Variants in GALNT13 observed in about 807,000 individuals in gnomAD.
GALNT13 encodes UDP-GalNAc:polypeptide N-acetylgalactosaminyltransferase 13.
Under a neutral mutation model 64.2 loss-of-function variants are expected in GALNT13, and 28 were observed. The ratio of observed to expected loss-of-function variants is 0.44; its 90% CI spans 0.32 to 0.60. The LOEUF is 0.60. Among genes scored for constraint, GALNT13 ranks in the 20% least tolerant of loss-of-function variants. The pLI, the probability that GALNT13 is intolerant of heterozygous loss-of-function variation, is 0.05. For synonymous variants in GALNT13, 214 were observed against 224.6 expected (o/e 0.95, Z 0.42); for missense variants, 577 against 669.8 (o/e 0.86, Z 1.53).
chr2:153,252,568 T>A, the GALNT13 span, among the ~76,000 whole-genome samples: 69,234 of 151,026 alleles, frequency 0.46, 16,315 homozygotes, highest in Non-Finnish European at 0.5. Context: ...CTGAATGGTA[T>A]TGCCTAGGTT....
At chr2:153,534,932 G>T in the GALNT13 span, among the ~76,000 whole-genome samples, 1 of 151,986 alleles carries the variant, frequency 6.6e-6, no homozygotes, top group East Asian at 1.9e-4. Context: ...GGCTTGGCTT[G>T]GGCTCAGAGG....
chr2:153,432,938 G>T, the GALNT13 span, among the ~76,000 whole-genome samples: 1 of 151,954 alleles, frequency 6.6e-6, no homozygotes, highest in African/African-American at 2.4e-5. Flanking sequence ...AATTTTTGCA[G>T]TGTCTTTTAT....
chr2:153,613,625 A>C, the GALNT13 span, among the ~76,000 whole-genome samples: 1 of 152,182 alleles, frequency 6.6e-6, no homozygotes, highest in African/African-American at 2.4e-5. Flanking sequence ...TTTAGAAAAT[A>C]AAATGAAGAA....
intron 3 of GALNT13, among the ~76,000 whole-genome samples, chr2:153,981,806 T>C (rs17585812): frequency 0.063 from 9,649 of 152,194 alleles, 408 homozygotes; most frequent in Middle Eastern, 0.13. Flanking sequence ...TTCTAGCTCA[T>C]GGTATACAGA....
rs1693167016 is a variant in GALNT13 at position 154,298,643 on chromosome 2, A to ATACATTGTATATAATTTATATG, written c.976-2753_976-2752insATTTATATGTACATTGTATATA. Among the ~76,000 whole-genome samples, 2 of 99,548 alleles carry ATACATTGTATATAATTTATATG rather than the reference A, an allele frequency of 2.0e-5. 1 individual carries two copies. Among genetic ancestry groups the ATACATTGTATATAATTTATATG allele is most frequent in the African/African-American group, 8.0e-5 (2 of 25,024 alleles). 65.3% of individuals were successfully genotyped at this position (99,548 alleles called of 152,430 possible). Reference sequence around the variant, plus strand: ...TATACATTGTATATATAATTTATATATACATTGTATATACAATTTATATAT... The same window carrying ATACATTGTATATAATTTATATG: ...TATACATTGTATATATAATTTATATATACATTGTATATAATTTATATGTACATTGTATATACAATTTATATAT... On this transcript the variant is annotated intron_variant, in intron 8 of 12. Coordinates refer to ENST00000392825, the MANE Select transcript of GALNT13 (RefSeq NM_052917.4).
the GALNT13 span, among the ~76,000 whole-genome samples, chr2:153,654,252 A>G: frequency 6.6e-6 from 1 of 152,166 alleles, no homozygotes; most frequent in Non-Finnish European, 1.5e-5. Flanking sequence ...ATGAAGAATT[A>G]TTTTAAATTT....
At chr2:153,863,779 T>C in the GALNT13 span, among the ~76,000 whole-genome samples, 3 of 152,204 alleles carry the variant, frequency 2.0e-5, no homozygotes, top group Admixed American at 6.6e-5. Context: ...GTGCCAGATA[T>C]TGTACTCAGT....
intron 3 of GALNT13, among the ~76,000 whole-genome samples, chr2:154,067,961 A>C (rs13407881): frequency 6.6e-6 from 1 of 151,774 alleles, no homozygotes; most frequent in African/African-American, 2.4e-5. Flanking sequence ...CAAACTGTTC[A>C]TCTGACAAGG....
chr2:153,339,310 C>T, the GALNT13 span, among the ~76,000 whole-genome samples: 15 of 152,286 alleles, frequency 9.8e-5, no homozygotes, highest in Admixed American at 2.6e-4. Context: ...AATAGCCGTT[C>T]TAACAAAATG....
chr2:153,621,043 C>A, the GALNT13 span, among the ~76,000 whole-genome samples: 2 of 152,060 alleles, frequency 1.3e-5, no homozygotes, highest in Non-Finnish European at 1.5e-5. Flanking sequence ...TAGACAAGAT[C>A]CGAGAGAATT....
the GALNT13 span, among the ~76,000 whole-genome samples, chr2:153,835,368 T>C: frequency 6.6e-6 from 1 of 152,078 alleles, no homozygotes; most frequent in Non-Finnish European, 1.5e-5. Flanking sequence ...ATGTACTTTC[T>C]TATTAATTCA....
the GALNT13 span, among the ~76,000 whole-genome samples, chr2:153,720,250 C>G: frequency 6.9e-5 from 10 of 145,542 alleles, no homozygotes; most frequent in East Asian, 2.0e-4. Context: ...AGCTGAGGGT[C>G]CTGTCTGTTA....
chr2:153,212,412 G>A, the GALNT13 span, among the ~76,000 whole-genome samples: 1 of 151,998 alleles, frequency 6.6e-6, no homozygotes, highest in African/African-American at 2.4e-5. Context: ...TTCCTATTGT[G>A]CACATTGCAT....
the GALNT13 span, among the ~76,000 whole-genome samples, chr2:153,594,422 T>G: frequency 1.3e-5 from 2 of 152,162 alleles, no homozygotes; most frequent in African/African-American, 4.8e-5. Flanking sequence ...TCCACGATAC[T>G]ATCTTCTGAG....
intron 3 of GALNT13, among the ~76,000 whole-genome samples, chr2:154,024,511 C>T (rs1286823139): frequency 1.3e-5 from 2 of 152,296 alleles, no homozygotes; most frequent in African/African-American, 2.4e-5. Flanking sequence ...GCATTCGTCA[C>T]GTAGCTCTCG....
chr2:153,325,532 C>T, the GALNT13 span, among the ~76,000 whole-genome samples: 1 of 152,120 alleles, frequency 6.6e-6, no homozygotes, highest in Non-Finnish European at 1.5e-5. Context: ...TTCTTGATTT[C>T]TGCTAGCTTT....
At chr2:153,684,762 C>CTAGT in the GALNT13 span, among the ~76,000 whole-genome samples, 2 of 151,576 alleles carry the variant, frequency 1.3e-5, no homozygotes, top group Non-Finnish European at 3.0e-5. Flanking sequence ...GGTATTAAGC[C>CTAGT]TAGTATCCAT....
intron 11 of GALNT13, among the ~76,000 whole-genome samples, chr2:154,417,945 CTT>C (rs774352869): frequency 6.6e-6 from 1 of 151,960 alleles, no homozygotes; most frequent in African/African-American, 2.4e-5. Context: ...AATTTTTTCT[CTT>C]GTTTTTAACT....
At chr2:154,048,634 T>C (rs2105341564) in intron 3 of GALNT13, among the ~76,000 whole-genome samples, 1 of 152,250 alleles carries the variant, frequency 6.6e-6, no homozygotes, top group South Asian at 2.1e-4. Context: ...TTAGAATGTA[T>C]AGCCATGAAA....
Sources: gnomAD v4.1 joint callset for allele counts (sites outside exome capture counted in the v4.1 genomes callset) on GRCh38, gnomAD v4.1.1 for gene constraint, MANE v1.5 for transcripts, NCBI Gene and HGNC (gene_info 2026-07-23, HGNC 2026-07-21) for gene names.